Variants in CAMTA1 observed in about 807,000 individuals in gnomAD.
CAMTA1 encodes calmodulin-binding transcription activator 1.
CAMTA1 carries 27 observed loss-of-function variants against 170.9 expected under a neutral mutation model. The ratio of observed to expected loss-of-function variants is 0.16; its 90% CI spans 0.12 to 0.22. The LOEUF is 0.22. Ranked by LOEUF, CAMTA1 falls within the 10% of genes least tolerant of loss-of-function variation. The probability of loss-of-function intolerance (pLI) is 1.00; values close to 1 mark genes in which losing one functional copy is unlikely to be tolerated. For synonymous variants in CAMTA1, 833 were observed against 891.5 expected, an observed-to-expected ratio of 0.93 and a Z score of 1.17; for missense variants, 1,619 against 2,217.2, an observed-to-expected ratio of 0.73 and a Z score of 5.42.
At chr1:7,395,333 T>TC (rs1281161692) in intron 5 of CAMTA1, among the ~76,000 whole-genome samples, 4 of 152,208 alleles carry the variant, frequency 2.6e-5, no homozygotes, top group African/African-American at 9.7e-5. Flanking sequence ...GACTGCCCTT[T>TC]CCCCAGTGTG....
intron 5 of CAMTA1, among the ~76,000 whole-genome samples, chr1:7,338,826 T>C (rs537295132): frequency 6.6e-6 from 1 of 152,336 alleles, no homozygotes; most frequent in South Asian, 2.1e-4. Context: ...CACACTGCTA[T>C]AAAGAAATAC....
intron 5 of CAMTA1, among the ~76,000 whole-genome samples, chr1:7,326,008 G>A (rs528700516): frequency 1.7e-4 from 26 of 152,230 alleles, no homozygotes; most frequent in Admixed American, 5.9e-4. Context: ...ACAGGCGTGC[G>A]CCACCATGCC....
At chr1:7,706,886 CTTTT>C (rs139511207) in intron 11 of CAMTA1, among the ~76,000 whole-genome samples, 3 of 132,220 alleles carry the variant, frequency 2.3e-5, no homozygotes, top group African/African-American at 8.5e-5. Context: ...TCAGGCTATT[CTTTT>C]TTTTTTTTTT....
intron 6 of CAMTA1, among the ~76,000 whole-genome samples, chr1:7,483,622 G>A (rs926737511): frequency 2.6e-5 from 4 of 152,182 alleles, no homozygotes; most frequent in Non-Finnish European, 5.9e-5. Flanking sequence ...TCAGGCTGCC[G>A]GGGCCCAGCG....
intron 11 of CAMTA1, among the ~76,000 whole-genome samples, chr1:7,710,742 G>GT (rs1385832571): frequency 1.3e-5 from 2 of 151,358 alleles, no homozygotes; most frequent in Non-Finnish European, 1.5e-5. Flanking sequence ...CCTCCTCTAT[G>GT]TTAATTTTAT....
chr1:6,942,916 C>G (rs1380895420), intron 3 of CAMTA1, among the ~76,000 whole-genome samples: 2 of 152,204 alleles, frequency 1.3e-5, no homozygotes, highest in African/African-American at 4.8e-5. Context: ...CCTGGGCAGT[C>G]TGCTCTGGGC....
chr1:7,331,797 T>A (rs1387060389), intron 5 of CAMTA1, among the ~76,000 whole-genome samples: 1 of 152,142 alleles, frequency 6.6e-6, no homozygotes, highest in Admixed American at 6.5e-5. Context: ...GATGGGGACA[T>A]GGGGAAGGTG....
chr1:6,840,338 G>C (rs1480768233), intron 3 of CAMTA1, among the ~76,000 whole-genome samples: 1 of 150,196 alleles, frequency 6.7e-6, no homozygotes, highest in African/African-American at 2.5e-5. Context: ...AGGGGAAGCA[G>C]AGAGACCAGT....
chr1:7,024,253 C>T (rs1701761831), intron 3 of CAMTA1, among the ~76,000 whole-genome samples: 1 of 152,026 alleles, frequency 6.6e-6, no homozygotes, highest in Non-Finnish European at 1.5e-5. Context: ...CAGACGTAAG[C>T]CTTCCTACTG....
At chr1:7,074,396 A>G (rs1292141774) in intron 3 of CAMTA1, among the ~76,000 whole-genome samples, 1 of 152,224 alleles carries the variant, frequency 6.6e-6, no homozygotes, top group Non-Finnish European at 1.5e-5. Context: ...AAAAACACAT[A>G]CTAATTGTAG....
chr1:6,836,115 A>G (rs1652981758), intron 3 of CAMTA1, among the ~76,000 whole-genome samples: 1 of 152,082 alleles, frequency 6.6e-6, no homozygotes, highest in African/African-American at 2.4e-5. Flanking sequence ...GTCTTTTCGA[A>G]TACTGCCTAC....
rs1380290873 is a variant in CAMTA1, at chr1:7,655,607, TACACACCC to T, written c.665-6111_665-6104del. ...ACAAACACCCCTATACACACACCTA[TACACACCC>T]ACACACCTATACACACACCTATACA... On this transcript the variant is annotated intron_variant, in intron 7 of 22. Transcript: ENST00000303635. Among the ~76,000 whole-genome samples the T allele has an allele frequency of 1.7e-4, 24 of 138,606 alleles. No individual in the cohort carries two copies. The East Asian group carries it at 4.6e-3, about 27-fold the overall frequency. The allele number at this position is 138,606 out of a possible 152,430, so 90.9% of individuals were successfully genotyped here. A position where few individuals can be genotyped will look rare whatever the true frequency, so the allele number is the denominator to read the frequency against.
At chr1:7,431,269 G>A (rs939347001) in intron 5 of CAMTA1, among the ~76,000 whole-genome samples, 6 of 152,234 alleles carry the variant, frequency 3.9e-5, no homozygotes, top group Admixed American at 6.5e-5. Context: ...TCGATCAGCA[G>A]CTGGGTCCTC....
intron 5 of CAMTA1, among the ~76,000 whole-genome samples, chr1:7,310,674 TTCTTTCTCTCTCTCTCTCTCTCTCTC>T (rs1557491327): frequency 3.7e-4 from 12 of 32,112 alleles, no homozygotes; most frequent in Admixed American, 1.2e-3. Flanking sequence ...TTTCTTTCCT[TTCTTTCTCTCTCTCTCTCTCTCTCTC>T]TCTTTCTTTC....
At chr1:7,502,065 T>G (rs12562695) in intron 6 of CAMTA1, among the ~76,000 whole-genome samples, 1 of 152,182 alleles carries the variant, frequency 6.6e-6, no homozygotes, top group Non-Finnish European at 1.5e-5. Flanking sequence ...AGGCGCCTGC[T>G]GGTTTTCTGC....
At chr1:7,410,295 G>T (rs1461155659) in intron 5 of CAMTA1, among the ~76,000 whole-genome samples, 1 of 152,250 alleles carries the variant, frequency 6.6e-6, no homozygotes, top group Non-Finnish European at 1.5e-5. Context: ...CCCAAAAACT[G>T]GTGGACATGG....
At chr1:6,945,971 G>A (rs1687509402) in intron 3 of CAMTA1, among the ~76,000 whole-genome samples, 1 of 152,126 alleles carries the variant, frequency 6.6e-6, no homozygotes, top group South Asian at 2.1e-4. Context: ...GACCCATCTT[G>A]TATAATCCCT....
chr1:7,216,759 T>C lies in CAMTA1; in HGVS notation c.303-32732T>C, dbSNP rs1659818139. On this transcript the variant is annotated intron_variant, in intron 4 of 22. Coordinates refer to ENST00000303635, the MANE Select transcript of CAMTA1 (RefSeq NM_015215.4). The surrounding 1 kb of genome is among the most constrained non-coding windows in gnomAD (Gnocchi z 4.0). Reference sequence around the variant, plus strand: ...CTCCTGACTTCAAGTGATCCACCATTCTTGGCCTCCCAAATTGCTGGGTGT... The same window carrying C: ...CTCCTGACTTCAAGTGATCCACCATCCTTGGCCTCCCAAATTGCTGGGTGT... Among the ~76,000 whole-genome samples, 1 of 152,112 alleles carries C rather than the reference T, an allele frequency of 6.6e-6. No homozygotes were observed. Among genetic ancestry groups the C allele is most frequent in the Non-Finnish European group, 1.5e-5 (1 of 68,014 alleles).
rs561747705 is a variant in CAMTA1, at chr1:6,870,206, T to G, written c.234+44996T>G. ...GCTACTAAAACAACGTATGCATTGT[T>G]TTCATGGGGTGTTGATTCCTTCTGC... On this transcript the variant is annotated intron_variant, in intron 3 of 22. Transcript: ENST00000303635. 1.8e-4 allele frequency among the ~76,000 whole-genome samples: 27 copies of G among 152,284 alleles called. 1 individual carries two copies. In the South Asian group the frequency reaches 5.2e-3, roughly 29 times the overall value.
Sources: gnomAD v4.1 joint callset for allele counts (sites outside exome capture counted in the v4.1 genomes callset) on GRCh38, gnomAD v4.1.1 for gene constraint, Gnocchi (gnomAD v3.1) non-coding constraint, MANE v1.5 for transcripts, NCBI Gene and HGNC (gene_info 2026-07-23, HGNC 2026-07-21) for gene names.